The following PPFIBP1 variants were observed in gnomAD, a reference collection of about 807,000 sequenced individuals.
PPFIBP1 encodes the protein PPFIB scaffold protein 1.
A neutral mutation model predicts 137.8 loss-of-function variants in PPFIBP1; 112 were observed. The observed-to-expected ratio is 0.81, with a 90% confidence interval of 0.70 to 0.95. The LOEUF (loss-of-function observed/expected upper bound fraction) is 0.95. PPFIBP1 is among the 40% of genes least tolerant of loss of function. The pLI, the probability that PPFIBP1 is intolerant of heterozygous loss-of-function variation, is 0.00. For synonymous variants in PPFIBP1, 378 were observed against 417.3 expected, an observed-to-expected ratio of 0.91 and a Z score of 1.15; for missense variants, 1,083 against 1,196.6, an observed-to-expected ratio of 0.91 and a Z score of 1.40.
chr12:27,618,888 G>A (rs549085875), intron 2 of PPFIBP1, among the ~76,000 whole-genome samples: 5 of 152,160 alleles, frequency 3.3e-5, no homozygotes, highest in African/African-American at 7.2e-5. Flanking sequence ...TAAAAAGCTC[G>A]ATCTAGTAGA....
chr12:27,567,062 T>A (rs949016514), intron 1 of PPFIBP1, among the ~76,000 whole-genome samples: 2 of 152,230 alleles, frequency 1.3e-5, no homozygotes, highest in Non-Finnish European at 2.9e-5. Flanking sequence ...GTTCTGTCTG[T>A]CTTTCTAATC....
intron 1 of PPFIBP1, among the ~76,000 whole-genome samples, chr12:27,561,722 C>G (rs73292051): frequency 0.018 from 2,731 of 152,204 alleles, 36 homozygotes; most frequent in Middle Eastern, 0.034. Flanking sequence ...TCCGAGCACT[C>G]CTCTGCCTCT....
chr12:27,668,261 C>T (rs145255768), intron 13 of PPFIBP1, among the ~76,000 whole-genome samples: 81 of 152,248 alleles, frequency 5.3e-4, no homozygotes, highest in African/African-American at 1.9e-3. Context: ...CAGTTCCTTG[C>T]GCATAGCTTC....
intron 7 of PPFIBP1, chr12:27,654,430 C>A: frequency 4.5e-6 from 1 of 220,578 alleles, no homozygotes; most frequent in Non-Finnish European, 8.8e-6. Context: ...ATAGAAATAT[C>A]TGACAAATAA....
At chr12:27,593,706 G>C (rs3751227) in intron 2 of PPFIBP1, 150,042 of 595,210 alleles carry the variant, frequency 0.25, 19,848 homozygotes, top group Middle Eastern at 0.3. Flanking sequence ...CCACAGGTTG[G>C]CTCCATTTAG....
At chr12:27,559,063 A>T (rs1279414238) in intron 1 of PPFIBP1, among the ~76,000 whole-genome samples, 1 of 151,300 alleles carries the variant, frequency 6.6e-6, no homozygotes, top group South Asian at 2.1e-4. Flanking sequence ...ATGGGGCCTC[A>T]CTCTATTGCC....
intron 9 of PPFIBP1, among the ~76,000 whole-genome samples, chr12:27,658,560 G>A (rs1266738378): frequency 6.6e-6 from 1 of 152,168 alleles, no homozygotes; most frequent in African/African-American, 2.4e-5. Flanking sequence ...TAATTTTAAT[G>A]TGAGAAAATC....
At chr12:27,555,600 C>A (rs1305866057) in intron 1 of PPFIBP1, among the ~76,000 whole-genome samples, 1 of 152,168 alleles carries the variant, frequency 6.6e-6, no homozygotes, top group Non-Finnish European at 1.5e-5. Context: ...TGATTGAAAG[C>A]AAAAGCTGTT....
At chr12:27,623,791 A>G (rs1362164513) in intron 2 of PPFIBP1, among the ~76,000 whole-genome samples, 1 of 152,184 alleles carries the variant, frequency 6.6e-6, no homozygotes. Context: ...AGGTGATATT[A>G]TCAGCCAAAA....
At chr12:27,682,348 A>T in intron 22 of PPFIBP1, 39 bp from the exon 23 acceptor site, 1 of 1,448,426 alleles carries the variant, frequency 6.9e-7, no homozygotes, top group Non-Finnish European at 9.7e-7. Context: ...CACCCAGCCT[A>T]TACAGATAGA....
In PPFIBP1 at chr12:27,693,908, C is replaced by G. The variant is rs985594211; in HGVS notation, c.*1026C>G. On this transcript the variant is annotated 3_prime_UTR_variant, in exon 30 of 30. Transcript: ENST00000228425. ...GCCAGGCTGGGACTCGAACTCCTGA[C>G]CTTGTGATCTGCCCGCCTCAGCCTC... is the stretch of plus-strand genomic sequence containing the variant. 6.6e-6 allele frequency: 1 copy of G among 152,200 alleles called. No homozygotes were observed. Among genetic ancestry groups the G allele is most frequent in the Admixed American group, 6.5e-5 (1 of 15,282 alleles). The allele number at this position is 152,200 out of a possible 1,614,324, so 9.4% of individuals were successfully genotyped here. A position where few individuals can be genotyped will look rare whatever the true frequency, so the allele number is the denominator to read the frequency against.
At chr12:27,690,949 A>C (rs1028611418) in intron 27 of PPFIBP1, among the ~76,000 whole-genome samples, 1 of 151,692 alleles carries the variant, frequency 6.6e-6, no homozygotes, top group African/African-American at 2.4e-5. Context: ...TGTTATCCCA[A>C]CCAACTTGAT....
In PPFIBP1 at chr12:27,682,499, G is replaced by A. The variant is rs772981075; in HGVS notation, c.2158+1G>A. 1 of 1,611,774 alleles carries A rather than the reference G, an allele frequency of 6.2e-7. No homozygotes were observed. On this transcript the variant is annotated splice_donor_variant, in intron 23 of 29. Transcript: ENST00000228425. LOFTEE classifies it high-confidence loss of function. ...AAGCTGGATTTCAACTGGGTCACTA[G>A]TAAGAAGTTTTTATTCTAACAAAAT...
At chr12:27,544,325 T>G (rs1461218653) in intron 1 of PPFIBP1, among the ~76,000 whole-genome samples, 1 of 152,046 alleles carries the variant, frequency 6.6e-6, no homozygotes, top group African/African-American at 2.4e-5. Context: ...ATATGCCTAG[T>G]GATGGGCAAA....
chr12:27,671,893 G>A (rs564513530), intron 14 of PPFIBP1, among the ~76,000 whole-genome samples: 8 of 152,188 alleles, frequency 5.3e-5, no homozygotes, highest in Non-Finnish European at 7.4e-5. Context: ...CCAACATGGC[G>A]AAATCCCGTC....
chr12:27,594,158 A>C, intron 2 of PPFIBP1: 1 of 432,950 alleles, frequency 2.3e-6, no homozygotes, highest in Non-Finnish European at 3.8e-6. Flanking sequence ...CAAAAACATT[A>C]TCCATCCCCT....
intron 2 of PPFIBP1, among the ~76,000 whole-genome samples, chr12:27,621,863 C>G (rs530340587): frequency 6.6e-6 from 1 of 152,170 alleles, no homozygotes; most frequent in South Asian, 2.1e-4. Flanking sequence ...GACCATGTGA[C>G]AAACTGAAAC....
At chr12:27,590,781 C>G (rs2052408261) in intron 2 of PPFIBP1, among the ~76,000 whole-genome samples, 1 of 152,074 alleles carries the variant, frequency 6.6e-6, no homozygotes, top group Non-Finnish European at 1.5e-5. Context: ...AAGTGTGTCC[C>G]CTTCGGGAAC....
intron 3 of PPFIBP1, among the ~76,000 whole-genome samples, chr12:27,633,759 C>T (rs1251176268): frequency 2.0e-5 from 3 of 151,380 alleles, no homozygotes; most frequent in African/African-American, 7.3e-5. Context: ...AGGGACACTT[C>T]TCTACCCAGT....
Sources: gnomAD v4.1 joint callset for allele counts (sites outside exome capture counted in the v4.1 genomes callset) on GRCh38, gnomAD v4.1.1 for gene constraint, MANE v1.5 for transcripts, NCBI Gene and HGNC (gene_info 2026-07-23, HGNC 2026-07-21) for gene names.